Variants in TLK1 observed in about 807,000 individuals in gnomAD.
TLK1 encodes tousled like kinase 1, also known as serine/threonine-protein kinase tousled-like 1.
A neutral mutation model predicts 105.3 loss-of-function variants in TLK1; 24 were observed. The observed-to-expected ratio is 0.23, with a 90% confidence interval of 0.17 to 0.32. The LOEUF is 0.32. Among genes scored for constraint, TLK1 ranks in the 10% least tolerant of loss-of-function variants. The pLI is 1.00. For synonymous variants in TLK1, 321 were observed against 310.4 expected, an observed-to-expected ratio of 1.03 and a Z score of -0.36; for missense variants, 558 against 910.5, an observed-to-expected ratio of 0.61 and a Z score of 4.98.
Position 171,049,866 on chromosome 2 carries a change from C to G in TLK1, c.928G>C (p.Ala310Pro). Residue 310 changes from alanine to proline, a missense_variant, in exon 10 of 21, where the codon GCT becomes CCT. Coordinates refer to ENST00000431350, the MANE Select transcript of TLK1 (RefSeq NM_012290.5). The part of the protein sequence containing the change: ...LGHFTTVRHG[A>P]SFTEQWTDGF... ...TCTGTCCATTGTTCAGTAAATGAAG[C>G]GCCATGTCTAACTGTTGTAAAGTGC... 6.2e-7 allele frequency: 1 copy of G among 1,613,876 alleles called. No individual in the cohort carries two copies. The highest frequency in any genetic ancestry group is 8.5e-7 in the Non-Finnish European group (1 of 1,179,938).
At chr2:171,193,563 AT>A (rs1239942626) in intron 1 of TLK1, among the ~76,000 whole-genome samples, 1 of 150,488 alleles carries the variant, frequency 6.6e-6, no homozygotes, top group African/African-American at 2.4e-5. Context: ...CGCCCGGCTA[AT>A]TTTTTATATT....
chr2:171,147,942 G>C (rs1691857740), intron 1 of TLK1, among the ~76,000 whole-genome samples: 1 of 151,594 alleles, frequency 6.6e-6, no homozygotes, highest in African/African-American at 2.4e-5. Context: ...CCAGGCTGGA[G>C]TGCAATGGTG....
At chr2:171,122,185 C>T (rs1423758244) in intron 1 of TLK1, among the ~76,000 whole-genome samples, 1 of 152,056 alleles carries the variant, frequency 6.6e-6, no homozygotes, top group African/African-American at 2.4e-5. Flanking sequence ...AGGATGGTCT[C>T]GATCTCTTGA....
chr2:171,141,268 A>G (rs913350861), intron 1 of TLK1, among the ~76,000 whole-genome samples: 1 of 152,212 alleles, frequency 6.6e-6, no homozygotes, highest in Non-Finnish European at 1.5e-5. Context: ...TTTCTATTCT[A>G]TTGATAGAAT....
intron 10 of TLK1, among the ~76,000 whole-genome samples, chr2:171,048,421 T>C (rs1322571981): frequency 6.6e-6 from 1 of 152,228 alleles, no homozygotes; most frequent in East Asian, 1.9e-4. Context: ...CTTCTCCTGC[T>C]TTCCACTTTA....
intron 1 of TLK1, among the ~76,000 whole-genome samples, chr2:171,201,201 A>G (rs976044468): frequency 6.6e-6 from 1 of 151,976 alleles, no homozygotes; most frequent in East Asian, 1.9e-4. Context: ...CCATTTTTAT[A>G]TTATCTGTCT....
intron 1 of TLK1, among the ~76,000 whole-genome samples, chr2:171,195,554 AAT>A (rs1219684724): frequency 6.6e-6 from 1 of 151,612 alleles, no homozygotes; most frequent in Non-Finnish European, 1.5e-5. Flanking sequence ...TCTATATTTG[AAT>A]ATATATTATT....
At chr2:171,110,325 T>C (rs1370224915) in intron 2 of TLK1, among the ~76,000 whole-genome samples, 1 of 152,056 alleles carries the variant, frequency 6.6e-6, no homozygotes, top group Admixed American at 6.6e-5. Flanking sequence ...AAAAATTAGC[T>C]GGGCATGGTG....
chr2:171,068,136 G>A (rs1205519524), intron 3 of TLK1, among the ~76,000 whole-genome samples: 2 of 152,054 alleles, frequency 1.3e-5, no homozygotes, highest in Non-Finnish European at 2.9e-5. Flanking sequence ...AGACCAGCCT[G>A]GCCAACATGG....
intron 12 of TLK1, among the ~76,000 whole-genome samples, chr2:171,024,480 A>G (rs1484061377): frequency 6.6e-6 from 1 of 152,170 alleles, no homozygotes; most frequent in South Asian, 2.1e-4. Flanking sequence ...AAAATGAAAT[A>G]GCACGTTCAT....
chr2:171,158,964 A>G (rs1459725416), intron 1 of TLK1, among the ~76,000 whole-genome samples: 1 of 152,234 alleles, frequency 6.6e-6, no homozygotes, highest in East Asian at 1.9e-4. Context: ...GAGCATATTC[A>G]TGCCAATCTT....
At chr2:171,112,696 T>TC (rs2105522258) in intron 2 of TLK1, among the ~76,000 whole-genome samples, 2 of 152,130 alleles carry the variant, frequency 1.3e-5, no homozygotes, top group East Asian at 3.9e-4. Flanking sequence ...AACAAACCAT[T>TC]ACAACCAATA....
intron 3 of TLK1, among the ~76,000 whole-genome samples, chr2:171,065,032 T>C (rs1687923879): frequency 1.0e-5 from 1 of 96,224 alleles, no homozygotes; most frequent in African/African-American, 3.0e-5. Context: ...TATCTTATAA[T>C]AAAATATAAA....
chr2:171,074,770 A>C (rs879399399), intron 3 of TLK1, among the ~76,000 whole-genome samples: 2 of 152,196 alleles, frequency 1.3e-5, no homozygotes, highest in Non-Finnish European at 2.9e-5. Context: ...AGAACACCAC[A>C]AACATCATTT....
intron 11 of TLK1, among the ~76,000 whole-genome samples, 195 bp from the exon 12 acceptor site, chr2:171,028,600 C>T (rs779866190): frequency 1.3e-5 from 2 of 152,256 alleles, no homozygotes; most frequent in African/African-American, 2.4e-5. Context: ...ACTAATTCTA[C>T]AATGCTTTAA....
At chr2:171,104,634 A>C (rs1689837464) in intron 2 of TLK1, among the ~76,000 whole-genome samples, 1 of 152,160 alleles carries the variant, frequency 6.6e-6, no homozygotes, top group Non-Finnish European at 1.5e-5. Context: ...TGGAGGCATC[A>C]CACTACTGGA....
chr2:171,101,324 C>T (rs956690254), intron 2 of TLK1, among the ~76,000 whole-genome samples: 2 of 103,404 alleles, frequency 1.9e-5, no homozygotes, highest in Non-Finnish European at 3.6e-5. Context: ...CCAGCCTGGA[C>T]AACAAGAGTG....
chr2:171,026,023 C>A lies in TLK1; in HGVS notation c.1236+2316G>T, dbSNP rs908064077. On this transcript the variant is annotated intron_variant, in intron 12 of 20. Transcript: ENST00000431350. ...GTATGTTTCAGCATTACTGTTAATC[C>A]ATTTCCCCAAAATATTCCATGATGA... Among the ~76,000 whole-genome samples, 5 of 152,040 alleles carry A rather than the reference C, an allele frequency of 3.3e-5. No homozygotes were observed. The South Asian group carries it at 1.0e-3, about 32-fold the overall frequency.
chr2:171,094,583 G>C (rs897975061), intron 2 of TLK1, among the ~76,000 whole-genome samples: 2 of 152,062 alleles, frequency 1.3e-5, no homozygotes, highest in African/African-American at 4.8e-5. Context: ...GATCGACACT[G>C]TAAGGGCAAG....
Sources: allele counts gnomAD v4.1 joint callset (sites outside exome capture counted in the v4.1 genomes callset), GRCh38; gene constraint gnomAD v4.1.1; transcripts MANE v1.5; gene names NCBI Gene and HGNC (gene_info 2026-07-23, HGNC 2026-07-21).